Variants in CSMD1 observed in about 807,000 individuals in gnomAD.
CSMD1 encodes CUB and Sushi multiple domains 1, also known as CUB and sushi domain-containing protein 1.
CSMD1 carries 213 observed loss-of-function variants against 417.5 expected under a neutral mutation model. That is an observed-to-expected ratio of 0.51 (90% CI 0.46 to 0.57). The LOEUF (loss-of-function observed/expected upper bound fraction) is 0.57. Ranked by LOEUF, CSMD1 falls within the 20% of genes least tolerant of loss-of-function variation. CSMD1 has a pLI of 0.00. For synonymous variants in CSMD1, 2,862 were observed against 1,736.8 expected (o/e 1.65, Z -16.11); for missense variants, 6,923 against 4,529.7 (o/e 1.53, Z -15.17).
At chr8:3,633,283 T>G (rs1027644439) in intron 7 of CSMD1, among the ~76,000 whole-genome samples, 12 of 152,180 alleles carry the variant, frequency 7.9e-5, no homozygotes, top group Non-Finnish European at 1.8e-4. Context: ...TAAAATTATG[T>G]GGAAAATGCA....
chr8:4,060,693 G>A (rs1388984795), intron 3 of CSMD1, among the ~76,000 whole-genome samples: 1 of 152,174 alleles, frequency 6.6e-6, no homozygotes, highest in South Asian at 2.1e-4. Context: ...CCTGAGAAAT[G>A]CCTGCTCCTC....
intron 7 of CSMD1, among the ~76,000 whole-genome samples, chr8:3,672,116 A>C (rs112643904): frequency 5.1e-4 from 77 of 152,336 alleles, no homozygotes; most frequent in African/African-American, 1.7e-3. Flanking sequence ...GTTCAAGGTT[A>C]GGTGCTGTCT....
At chr8:3,274,032 T>G (rs1386872141) in intron 26 of CSMD1, among the ~76,000 whole-genome samples, 2 of 151,796 alleles carry the variant, frequency 1.3e-5, no homozygotes, top group African/African-American at 4.8e-5. Context: ...GGTGTCAATT[T>G]TGGATCTTTC....
intron 3 of CSMD1, among the ~76,000 whole-genome samples, chr8:4,179,561 A>C (rs2131169665): frequency 6.6e-6 from 1 of 150,630 alleles, no homozygotes; most frequent in South Asian, 2.2e-4. Context: ...TGACAACAAA[A>C]GACAAAATTG....
intron 6 of CSMD1, among the ~76,000 whole-genome samples, chr8:3,729,515 A>T (rs1296000838): frequency 2.0e-5 from 3 of 152,204 alleles, no homozygotes; most frequent in African/African-American, 7.2e-5. Flanking sequence ...CAGACTGTGG[A>T]ACCTGCCCAA....
At chr8:3,662,502 G>C (rs538367488) in intron 7 of CSMD1, among the ~76,000 whole-genome samples, 1 of 152,180 alleles carries the variant, frequency 6.6e-6, no homozygotes. Flanking sequence ...ATAAACATAT[G>C]TGTGCATGTG....
chr8:4,981,270 T>C (rs929182840), intron 1 of CSMD1, among the ~76,000 whole-genome samples: 5 of 152,234 alleles, frequency 3.3e-5, no homozygotes, highest in African/African-American at 1.2e-4. Flanking sequence ...ATTTAAGCTC[T>C]GTCCAACTTT....
rs118168892 is a variant in CSMD1 at position 4,915,980 on chromosome 8, C to T, written c.85+78352G>A. Among the ~76,000 whole-genome samples the T allele has an allele frequency of 4.7e-4, 72 of 152,242 alleles. 2 individuals carry two copies. The East Asian group carries it at 0.012, about 26-fold the overall frequency. On this transcript the variant is annotated intron_variant, in intron 1 of 69. Transcript: ENST00000635120. Reference sequence around the variant, plus strand: ...GGAACATCTTCTCTTCCGCTAGTTCCCATCCCTGGTCCAGCTTGCAAGAGC... The same window carrying T: ...GGAACATCTTCTCTTCCGCTAGTTCTCATCCCTGGTCCAGCTTGCAAGAGC...
intron 3 of CSMD1, among the ~76,000 whole-genome samples, chr8:4,257,916 C>T (rs1005615323): frequency 5.3e-5 from 8 of 152,168 alleles, no homozygotes; most frequent in African/African-American, 1.7e-4. Context: ...CAACAACCAC[C>T]ACTTTAAAAA....
intron 3 of CSMD1, among the ~76,000 whole-genome samples, chr8:4,331,382 G>C (rs941232907): frequency 6.6e-6 from 1 of 152,094 alleles, no homozygotes; most frequent in East Asian, 1.9e-4. Flanking sequence ...TGTTTGTTGC[G>C]AGGTGTCTAC....
intron 2 of CSMD1, among the ~76,000 whole-genome samples, chr8:4,436,098 C>A (rs1798134572): frequency 6.6e-6 from 1 of 152,060 alleles, no homozygotes; most frequent in Non-Finnish European, 1.5e-5. Flanking sequence ...CCAACATGTC[C>A]AACTGAGCTA....
chr8:4,757,609 G>A (rs11984790), intron 1 of CSMD1, among the ~76,000 whole-genome samples: 2,567 of 152,224 alleles, frequency 0.017, 26 homozygotes, highest in African/African-American at 0.026. Flanking sequence ...TCTCTACCAA[G>A]TTGGATTATG....
chr8:3,185,772 A>G (rs1047918448), intron 36 of CSMD1, among the ~76,000 whole-genome samples: 1 of 152,196 alleles, frequency 6.6e-6, no homozygotes, highest in South Asian at 2.1e-4. Flanking sequence ...ATAAACTGTG[A>G]GGTAGGTGCT....
At chr8:3,303,620 C>G (rs1171586109) in intron 25 of CSMD1, among the ~76,000 whole-genome samples, 1 of 152,146 alleles carries the variant, frequency 6.6e-6, no homozygotes, top group African/African-American at 2.4e-5. Context: ...ATTACACTGG[C>G]AGAAAAGCAA....
At chr8:4,618,584 C>A (rs1396628983) in intron 2 of CSMD1, among the ~76,000 whole-genome samples, 1 of 152,040 alleles carries the variant, frequency 6.6e-6, no homozygotes, top group Admixed American at 6.6e-5. Flanking sequence ...CTGGATCCAA[C>A]AAATGAAGGC....
intron 5 of CSMD1, among the ~76,000 whole-genome samples, chr8:3,943,007 A>G (rs1297269872): frequency 1.6e-4 from 25 of 152,152 alleles, no homozygotes; most frequent in Admixed American, 1.6e-3. Flanking sequence ...GGTCTAAATT[A>G]TTAAGTTTTA....
At chr8:4,634,971 T>A (rs967497708) in intron 2 of CSMD1, among the ~76,000 whole-genome samples, 3 of 152,058 alleles carry the variant, frequency 2.0e-5, no homozygotes, top group Admixed American at 2.0e-4. Flanking sequence ...TCCTCGAACG[T>A]CTCCTCAAAA....
At chr8:4,309,840 C>G (rs892576563) in intron 3 of CSMD1, among the ~76,000 whole-genome samples, 14 of 152,134 alleles carry the variant, frequency 9.2e-5, no homozygotes, top group Admixed American at 2.6e-4. Flanking sequence ...ATATAGCTGT[C>G]TGAGTATTTT....
chr8:4,967,598 T>G (rs1414205707), intron 1 of CSMD1, among the ~76,000 whole-genome samples: 3 of 152,188 alleles, frequency 2.0e-5, no homozygotes, highest in Non-Finnish European at 4.4e-5. Flanking sequence ...TTAACAGAGT[T>G]GTAACAGTAC....
Sources: gnomAD v4.1 joint callset for allele counts (sites outside exome capture counted in the v4.1 genomes callset) on GRCh38, gnomAD v4.1.1 for gene constraint, MANE v1.5 for transcripts, NCBI Gene and HGNC (gene_info 2026-07-23, HGNC 2026-07-21) for gene names.